Variants in SLC39A1 observed in about 807,000 individuals in gnomAD.
SLC39A1 encodes the protein solute carrier family 39 member 1, also known as zinc transporter ZIP1.
In SLC39A1, 17 loss-of-function variants were observed where a neutral mutation model predicts 21.4. The ratio of observed to expected loss-of-function variants is 0.79; its 90% CI spans 0.54 to 1.19. The LOEUF (loss-of-function observed/expected upper bound fraction) is 1.19. Ranked by LOEUF, SLC39A1 falls within the 50% of genes most tolerant of loss-of-function variation. The pLI, the probability that SLC39A1 is intolerant of heterozygous loss-of-function variation, is 0.00. For missense variants in SLC39A1, 343 were observed against 399.8 expected, an observed-to-expected ratio of 0.86 and a Z score of 1.21; for synonymous variants, 183 against 185.9, an observed-to-expected ratio of 0.98 and a Z score of 0.13.
chr1:153,962,841 G>GC, intron 1 of SLC39A1, 94 bp from the exon 2 acceptor site: 1 of 1,007,014 alleles, frequency 9.9e-7, no homozygotes, highest in Non-Finnish European at 1.4e-6. Context: ...CAGCTCCCTG[G>GC]CCCCAGCCAC....
Position 153,962,257 on chromosome 1 carries a change from G to C in SLC39A1, c.281C>G (p.Ala94Gly). The C allele has an allele frequency of 6.2e-7, 1 of 1,614,134 alleles. No individual in the cohort carries two copies. The highest frequency in any genetic ancestry group is 1.1e-5 in the South Asian group (1 of 91,086). Residue 94 changes from alanine (A) to glycine (G), a missense_variant, in exon 3 of 4, where the codon GCT (alanine) becomes GGT (glycine). By Grantham distance (60) the Ala-to-Gly change is moderately conservative. Coordinates refer to ENST00000356205, the MANE Select transcript of SLC39A1 (RefSeq NM_001271958.2). Reference sequence around the variant, plus strand: ...GGCTGCCAGGGCCTCATCTATGGCAGCCAGGTAGTCAGGCAGCAGGTCCAG... The same window carrying C: ...GGCTGCCAGGGCCTCATCTATGGCACCCAGGTAGTCAGGCAGCAGGTCCAG... Reference protein sequence around the residue: ...CLLDLLPDYLAAIDEALAALH... With the variant: ...CLLDLLPDYLGAIDEALAALH...
chr1:153,966,354 T>C (rs538417742), upstream of SLC39A1, among the ~76,000 whole-genome samples: 2 of 152,310 alleles, frequency 1.3e-5, no homozygotes, highest in African/African-American at 4.8e-5. Flanking sequence ...TTACTTAAAC[T>C]TGTCAGCTCG....
upstream of SLC39A1, chr1:153,963,682 G>GGGAGCGGGC (rs1557878682): frequency 6.5e-6 from 1 of 153,402 alleles, no homozygotes; most frequent in Non-Finnish European, 1.5e-5. Context: ...GATCGGGAGC[G>GGGAGCGGGC]GGAGCGGGCG....
chr1:153,962,917 A>G (rs1647569483), intron 1 of SLC39A1, 170 bp from the exon 2 acceptor site: 1 of 481,158 alleles, frequency 2.1e-6, no homozygotes, highest in African/African-American at 2.0e-5. Flanking sequence ...CTCTCTTCTC[A>G]CACTTTCTTT....
rs112720999 is a variant in SLC39A1 at position 153,962,750 on chromosome 1, A to T, written c.-32-3T>A. ...GGTAGCTCCAGTGACTCTCAGACCT[A>T]GGAAGACAGACCAGAGTGGTTGGGA... is the stretch of plus-strand genomic sequence containing the variant. On this transcript the variant is annotated splice_region_variant and splice_polypyrimidine_tract_variant and intron_variant, in intron 1 of 3. Transcript: ENST00000356205. 20 of 1,504,808 alleles carry T rather than the reference A, an allele frequency of 1.3e-5. No homozygotes were observed. Among genetic ancestry groups the T allele is most frequent in the Non-Finnish European group, 1.8e-5 (20 of 1,127,772 alleles). The allele number at this position is 1,504,808 out of a possible 1,614,324, so 93.2% of individuals were successfully genotyped here.
Position 153,960,554 on chromosome 1 carries a change from T to G in SLC39A1, c.519A>C (p.Ala173=). The G allele has an allele frequency of 6.2e-7, 1 of 1,614,050 alleles. No homozygotes were observed. The highest frequency in any genetic ancestry group is 8.5e-7 in the Non-Finnish European group (1 of 1,180,042). The part of the protein sequence containing the change: ...PGVPQASGAP[A]TPSALRACVL... Reference sequence around the variant, plus strand: ...CACAGGCACGCAAGGCTGAGGGGGTTGCTGGGGCTCCACTCGCCTGTGGGA... The same window carrying G: ...CACAGGCACGCAAGGCTGAGGGGGTGGCTGGGGCTCCACTCGCCTGTGGGA... Residue 173 remains alanine, a synonymous_variant, in exon 4 of 4, where the codon GCA becomes GCC. Coordinates refer to ENST00000356205, the MANE Select transcript of SLC39A1 (RefSeq NM_001271958.2).
Position 153,960,065 on chromosome 1 carries a change from C to A in SLC39A1, c.*33G>T. The A allele has an allele frequency of 6.4e-7, 1 of 1,550,638 alleles. No individual in the cohort carries two copies. On this transcript the variant is annotated 3_prime_UTR_variant, in exon 4 of 4. Coordinates refer to ENST00000356205, the MANE Select transcript of SLC39A1 (RefSeq NM_001271958.2). The stretch of plus-strand genomic sequence containing the variant: ...GGAAGGGAGAACAGGGGCACCTGAT[C>A]ATCAATCTCCCCTGCCCCTCTCTTG...
At chr1:153,968,059 C>T (rs189773134), upstream of SLC39A1, 22 of 154,562 alleles carry the variant, frequency 1.4e-4, no homozygotes, top group Admixed American at 1.4e-3. Context: ...GAGAAAACTG[C>T]AGCAGAAAGG....
rs1647547026 is a variant in SLC39A1, at chr1:153,962,679, G to A, written c.37C>T (p.Arg13Cys). 5.0e-6 allele frequency: 8 copies of A among 1,607,770 alleles called. No homozygotes were observed. Among genetic ancestry groups the A allele is most frequent in the African/African-American group, 1.3e-5 (1 of 74,828 alleles). Residue 13 changes from arginine (R) to cysteine (C), a missense_variant, in exon 2 of 4, where the codon CGC becomes TGC. Physicochemically the swap from Arg to Cys is radical, Grantham distance 180. Coordinates refer to ENST00000356205, the MANE Select transcript of SLC39A1 (RefSeq NM_001271958.2). ...GGCTCTGAAGCTACCGCCTCGGGGC[G>A]CCACACCAGGAGCTCTGGCTCTCCC... ...PWGEPELLVWRPEAVASEPPV... is the reference protein window; with the variant it reads ...PWGEPELLVWCPEAVASEPPV...
rs1460874424 is a variant in SLC39A1 at position 153,960,305 on chromosome 1, C to T, written c.768G>A (p.Leu256=). 6.2e-7 allele frequency: 1 copy of T among 1,613,954 alleles called. No homozygotes were observed. The highest frequency in any genetic ancestry group is 8.5e-7 in the Non-Finnish European group (1 of 1,180,056). The change falls in exon 4 of 4, where the codon CTG becomes CTA. Residue 256 remains leucine (L), a synonymous_variant. Transcript: ENST00000356205. ...CTGCCGACTCTGCCAGAGCTGCACC[C>T]AGCCCGATGCCTAGAGGTGTCATGC... The part of the protein sequence containing the change: ...FSCMTPLGIG[L]GAALAESAGP...
At chr1:153,961,620 G>A (rs1274622136) in intron 3 of SLC39A1, among the ~76,000 whole-genome samples, 1 of 152,176 alleles carries the variant, frequency 6.6e-6, no homozygotes, top group Non-Finnish European at 1.5e-5. Context: ...CAGTCACACG[G>A]AAACACAGGT....
At position 153,960,590 on chromosome 1, in the gene SLC39A1, A is replaced by C; in HGVS notation, c.483T>G (p.Asp161Glu). 6.2e-7 allele frequency: 1 copy of C among 1,614,226 alleles called. No homozygotes were observed. Among genetic ancestry groups the C allele is most frequent in the South Asian group, 1.1e-5 (1 of 91,088 alleles). Residue 161 changes from aspartate (D) to glutamate (E), a missense_variant, in exon 4 of 4, where the codon GAT becomes GAG. Asp to Glu is a conservative substitution (Grantham distance 45, BLOSUM62 2). Transcript: ENST00000356205. ...CACTCGCCTGTGGGACCCCTGGCCC[A>C]TCATGCCAATGCTGCGGCCCACCAT... ...TVNGGPQHWH[D>E]GPGVPQASGA...
At chr1:153,966,966 TC>T (rs772294829), upstream of SLC39A1, 4 of 152,216 alleles carry the variant, frequency 2.6e-5, no homozygotes, top group Non-Finnish European at 5.9e-5. Flanking sequence ...TAGTCATGGA[TC>T]TGCCTCCTCA....
At position 153,959,640 on chromosome 1, in the gene SLC39A1, G is replaced by T. The variant is rs1048498362; in HGVS notation, c.*458C>A. On this transcript the variant is annotated 3_prime_UTR_variant, in exon 4 of 4. Coordinates refer to ENST00000356205, the MANE Select transcript of SLC39A1 (RefSeq NM_001271958.2). Reference sequence around the variant, plus strand: ...ATGGGAGGAGGGAGATAGGTATGAGGGTAGGCGCTAAGAAGAGTAGGAGGG... The same window carrying T: ...ATGGGAGGAGGGAGATAGGTATGAGTGTAGGCGCTAAGAAGAGTAGGAGGG... The T allele has an allele frequency of 3.2e-5, 8 of 246,320 alleles. No homozygotes were observed. In the Admixed American group the frequency reaches 4.1e-4, roughly 13 times the overall value. 15.3% of individuals were successfully genotyped at this position (246,320 alleles called of 1,614,324 possible). A position where few individuals can be genotyped will look rare whatever the true frequency, so the allele number is the denominator to read the frequency against.
At chr1:153,965,834 G>A (rs1171830022), upstream of SLC39A1, among the ~76,000 whole-genome samples, 3 of 151,934 alleles carry the variant, frequency 2.0e-5, no homozygotes, top group African/African-American at 4.8e-5. Context: ...TGATCCACCC[G>A]CTTCAGCCTC....
At chr1:153,967,297 G>A (rs867132703), upstream of SLC39A1, 1 of 152,252 alleles carries the variant, frequency 6.6e-6, no homozygotes, top group South Asian at 2.1e-4. Flanking sequence ...GCCGAGCGAG[G>A]ATCACCGCTC....
At chr1:153,960,904 C>T (rs1647368631) in intron 3 of SLC39A1, 150 bp from the exon 4 acceptor site, 4 of 691,956 alleles carry the variant, frequency 5.8e-6, no homozygotes, top group South Asian at 1.9e-5. Context: ...AACACTGACA[C>T]AGAATGATAC....
chr1:153,959,982 T>A lies in SLC39A1; in HGVS notation c.*116A>T. On this transcript the variant is annotated 3_prime_UTR_variant, in exon 4 of 4. Coordinates refer to ENST00000356205, the MANE Select transcript of SLC39A1 (RefSeq NM_001271958.2). ...GCTCTATCTTTAGCTCCCAGAGAAC[T>A]TTTTGGTCCTCAGTATTTCCCTTCC... 7.7e-7 allele frequency: 1 copy of A among 1,306,756 alleles called. No individual in the cohort carries two copies. The highest frequency in any genetic ancestry group is 1.5e-5 in the South Asian group (1 of 66,902). The allele number at this position is 1,306,756 out of a possible 1,614,324, so 80.9% of individuals were successfully genotyped here.
In SLC39A1 at chr1:153,959,678, T is replaced by G. The variant is rs1018244066; in HGVS notation, c.*420A>C. ...AAGAGTAGGAGGGGTCCACTCCAAG[T>G]GGCAGGGTGCTGAAATGGGCTAGGA... On this transcript the variant is annotated 3_prime_UTR_variant, in exon 4 of 4. Transcript: ENST00000356205. 3.4e-5 allele frequency: 8 copies of G among 232,124 alleles called. No homozygotes were observed. Among genetic ancestry groups the G allele is most frequent in the Non-Finnish European group, 6.7e-5 (8 of 119,136 alleles). 14.4% of individuals were successfully genotyped at this position (232,124 alleles called of 1,614,324 possible). A position where few individuals can be genotyped will look rare whatever the true frequency, so the allele number is the denominator to read the frequency against.
Sources: allele counts gnomAD v4.1 joint callset (sites outside exome capture counted in the v4.1 genomes callset), GRCh38; gene constraint gnomAD v4.1.1; transcripts MANE v1.5; gene names NCBI Gene and HGNC (gene_info 2026-07-23, HGNC 2026-07-21).